Variants in EPHA6 observed in about 807,000 individuals in gnomAD.
EPHA6 encodes ephrin type-A receptor 6.
Under a neutral mutation model 112.0 loss-of-function variants are expected in EPHA6, and 50 were observed. That is an observed-to-expected ratio of 0.45 (90% CI 0.36 to 0.56). The LOEUF (loss-of-function observed/expected upper bound fraction) is 0.56, where lower values mean the gene tolerates loss of function less well. EPHA6 is among the 20% of genes least tolerant of loss of function. EPHA6 has a pLI of 0.00. For missense variants in EPHA6, 1,280 were observed against 1,417.4 expected, an observed-to-expected ratio of 0.90 and a Z score of 1.56; for synonymous variants, 529 against 490.7, an observed-to-expected ratio of 1.08 and a Z score of -1.03.
chr3:96,829,440 T>C (rs1043557951), intron 1 of EPHA6, among the ~76,000 whole-genome samples: 1 of 152,092 alleles, frequency 6.6e-6, no homozygotes, highest in Non-Finnish European at 1.5e-5. Flanking sequence ...TCAAAAAATA[T>C]GTGCTCTCCC....
intron 5 of EPHA6, among the ~76,000 whole-genome samples, chr3:97,349,956 TC>T (rs1397220924): frequency 6.6e-6 from 1 of 150,600 alleles, no homozygotes; most frequent in African/African-American, 2.5e-5. Context: ...ATCATGCTAA[TC>T]TTTTTTTTTT....
chr3:96,984,471 G>A (rs1024381250), intron 2 of EPHA6, among the ~76,000 whole-genome samples: 3 of 152,308 alleles, frequency 2.0e-5, no homozygotes, highest in Non-Finnish European at 4.4e-5. Context: ...CTACTGGGGG[G>A]TGCCTCCCAG....
intron 6 of EPHA6, among the ~76,000 whole-genome samples, chr3:97,412,590 A>G (rs1043221001): frequency 6.6e-6 from 1 of 152,016 alleles, no homozygotes; most frequent in Non-Finnish European, 1.5e-5. Context: ...AAATAAGACT[A>G]AGGAATGAAT....
At chr3:97,078,634 C>A (rs570532078) in intron 3 of EPHA6, among the ~76,000 whole-genome samples, 2 of 152,200 alleles carry the variant, frequency 1.3e-5, no homozygotes, top group South Asian at 4.1e-4. Flanking sequence ...TTTCCCAGCA[C>A]CAGTTATTAA....
chr3:97,626,637 G>T (rs2093859444), intron 13 of EPHA6, among the ~76,000 whole-genome samples: 1 of 151,744 alleles, frequency 6.6e-6, no homozygotes, highest in African/African-American at 2.4e-5. Context: ...GTATAGTTTT[G>T]TATGAGGGTA....
At chr3:97,519,096 C>G (rs1204320022) in intron 10 of EPHA6, among the ~76,000 whole-genome samples, 1 of 152,046 alleles carries the variant, frequency 6.6e-6, no homozygotes, top group Non-Finnish European at 1.5e-5. Context: ...AGTGTGTTCC[C>G]TATGTTTTCT....
At chr3:97,316,588 A>G (rs779834567) in intron 5 of EPHA6, among the ~76,000 whole-genome samples, 51 of 151,878 alleles carry the variant, frequency 3.4e-4, no homozygotes, top group Admixed American at 3.2e-3. Flanking sequence ...TTCAGATTCA[A>G]GTATATAAAT....
intron 1 of EPHA6, among the ~76,000 whole-genome samples, chr3:96,855,880 A>G (rs1241248123): frequency 6.6e-6 from 1 of 152,142 alleles, no homozygotes; most frequent in Non-Finnish European, 1.5e-5. Context: ...ATTATTCTTC[A>G]TCAGTAAAAA....
chr3:96,850,422 T>A (rs2107366933), intron 1 of EPHA6, among the ~76,000 whole-genome samples: 1 of 152,178 alleles, frequency 6.6e-6, no homozygotes, highest in African/African-American at 2.4e-5. Flanking sequence ...TTAGAAAGGG[T>A]ACTGTCTCAA....
At chr3:97,731,351 C>T (rs1028014829) in intron 15 of EPHA6, among the ~76,000 whole-genome samples, 1 of 151,944 alleles carries the variant, frequency 6.6e-6, no homozygotes, top group African/African-American at 2.4e-5. Flanking sequence ...AGTGATATAT[C>T]CTATAGGTGA....
At chr3:97,453,255 A>C (rs779235846) in intron 7 of EPHA6, among the ~76,000 whole-genome samples, 3 of 151,690 alleles carry the variant, frequency 2.0e-5, no homozygotes, top group Non-Finnish European at 4.4e-5. Flanking sequence ...CATAGCTTAA[A>C]GCCAATTTTT....
At chr3:97,622,745 C>A (rs558470783) in intron 13 of EPHA6, among the ~76,000 whole-genome samples, 2 of 151,862 alleles carry the variant, frequency 1.3e-5, no homozygotes, top group African/African-American at 4.8e-5. Flanking sequence ...TTCTCACTAA[C>A]ACATGTTATT....
intron 13 of EPHA6, among the ~76,000 whole-genome samples, chr3:97,614,541 A>G (rs1227817739): frequency 2.8e-5 from 4 of 140,936 alleles, no homozygotes; most frequent in Non-Finnish European, 6.1e-5. Context: ...TTTAGAAGAG[A>G]CGGGGTTTCA....
intron 2 of EPHA6, among the ~76,000 whole-genome samples, chr3:96,950,471 G>C (rs2041478390): frequency 1.3e-5 from 2 of 152,108 alleles, no homozygotes; most frequent in African/African-American, 4.8e-5. Context: ...TTGCAGCTTT[G>C]TGAAGTCAGG....
chr3:96,899,687 G>A (rs1379321802), intron 2 of EPHA6, among the ~76,000 whole-genome samples: 2 of 152,090 alleles, frequency 1.3e-5, no homozygotes, highest in Non-Finnish European at 2.9e-5. Flanking sequence ...TTATATATTG[G>A]TAAAACAATT....
intron 10 of EPHA6, among the ~76,000 whole-genome samples, chr3:97,519,760 T>G (rs1190277401): frequency 6.6e-6 from 1 of 152,140 alleles, no homozygotes; most frequent in Non-Finnish European, 1.5e-5. Flanking sequence ...TTACATTTCC[T>G]TGTTGATTTT....
At position 97,689,782 on chromosome 3, in the gene EPHA6, C is replaced by T. The variant is rs192979067; in HGVS notation, c.2785-30479C>T. On this transcript the variant is annotated intron_variant, in intron 14 of 17. Transcript: ENST00000389672. ...ACACCCCCCCTAAAAATCTCATACC[C>T]ATTAGCAGTCATTCCCCATCCCCTT... Among the ~76,000 whole-genome samples the T allele has an allele frequency of 2.6e-3, 401 of 152,234 alleles. 6 individuals are homozygous for T. The highest frequency in any genetic ancestry group is 8.7e-3 in the East Asian group (45 of 5,180).
intron 3 of EPHA6, among the ~76,000 whole-genome samples, chr3:97,201,547 C>T (rs1015256866): frequency 1.3e-5 from 2 of 152,010 alleles, no homozygotes; most frequent in East Asian, 3.9e-4. Context: ...ATTAAACATA[C>T]GAACACTATT....
At chr3:97,276,331 T>C (rs1356269647) in intron 5 of EPHA6, among the ~76,000 whole-genome samples, 2 of 151,834 alleles carry the variant, frequency 1.3e-5, no homozygotes. Flanking sequence ...GGCTGCCAGG[T>C]GAGTTGAACA....
Sources: gnomAD v4.1 joint callset for allele counts (sites outside exome capture counted in the v4.1 genomes callset) on GRCh38, gnomAD v4.1.1 for gene constraint, MANE v1.5 for transcripts, NCBI Gene and HGNC (gene_info 2026-07-23, HGNC 2026-07-21) for gene names.